The following NCBP1 variants were observed in gnomAD, a reference collection of about 807,000 sequenced individuals.
NCBP1 encodes the protein nuclear cap binding protein subunit 1.
Under a neutral mutation model 111.7 loss-of-function variants are expected in NCBP1, and 16 were observed. The observed-to-expected ratio is 0.14, with a 90% CI of 0.10 to 0.22. NCBP1 has a LOEUF of 0.22. Ranked by LOEUF, NCBP1 falls within the 10% of genes least tolerant of loss-of-function variation. The pLI, the probability that NCBP1 is intolerant of heterozygous loss-of-function variation, is 1.00. For synonymous variants in NCBP1, 304 were observed against 314.3 expected (o/e 0.97, Z 0.35); for missense variants, 607 against 957.5 (o/e 0.63, Z 4.83).
At chr9:97,658,512 TCC>T in intron 14 of NCBP1, 126 bp from the exon 15 acceptor site, 1 of 692,810 alleles carries the variant, frequency 1.4e-6, no homozygotes, top group Non-Finnish European at 2.5e-6. Context: ...GATTTTTTTT[TCC>T]CTTTCACTTC....
At chr9:97,664,051 CA>C (rs1827917836) in intron 18 of NCBP1, among the ~76,000 whole-genome samples, 1 of 151,848 alleles carries the variant, frequency 6.6e-6, no homozygotes, top group African/African-American at 2.4e-5. Context: ...TGGTGGTGCA[CA>C]CCTGTAATCT....
intron 1 of NCBP1, 141 bp downstream of exon 1, chr9:97,634,056 G>A: frequency 1.8e-6 from 2 of 1,099,238 alleles, no homozygotes; most frequent in Non-Finnish European, 2.5e-6. Flanking sequence ...GGAGAATATG[G>A]TGGCGGTGTG....
Position 97,669,584 on chromosome 9 carries a change from C to G in NCBP1, c.2146-9C>G. ...TGTAGTACTACCTTAACTTCTTCTCCCTTTCCAGCGGTTTATCATGATCTT... is the reference window on the plus strand; with the variant it reads ...TGTAGTACTACCTTAACTTCTTCTCGCTTTCCAGCGGTTTATCATGATCTT... On this transcript the variant is annotated splice_polypyrimidine_tract_variant and intron_variant, in intron 21 of 22. Coordinates refer to ENST00000375147, the MANE Select transcript of NCBP1 (RefSeq NM_002486.5). 2.5e-6 allele frequency: 4 copies of G among 1,583,176 alleles called. No individual in the cohort carries two copies. Among genetic ancestry groups the G allele is most frequent in the Non-Finnish European group, 2.6e-6 (3 of 1,151,970 alleles).
At chr9:97,658,066 T>C (rs2131354530) in intron 14 of NCBP1, among the ~76,000 whole-genome samples, 1 of 152,020 alleles carries the variant, frequency 6.6e-6, no homozygotes, top group Non-Finnish European at 1.5e-5. Flanking sequence ...TAGTTTCTAG[T>C]AAAGTAGTAA....
Position 97,668,992 on chromosome 9 carries a change from A to C in NCBP1, c.2145+18A>C. 6.3e-7 allele frequency: 1 copy of C among 1,587,702 alleles called. No individual in the cohort carries two copies. The highest frequency in any genetic ancestry group is 8.6e-7 in the Non-Finnish European group (1 of 1,167,554). Reference sequence around the variant, plus strand: ...TATTTCAGGTATCTTGGCTTGGGACATTTATACATAAAAGGAAACAATACA... The same window carrying C: ...TATTTCAGGTATCTTGGCTTGGGACCTTTATACATAAAAGGAAACAATACA... On this transcript the variant is annotated intron_variant, in intron 21 of 22. Transcript: ENST00000375147.
intron 19 of NCBP1, among the ~76,000 whole-genome samples, chr9:97,665,748 T>C (rs180883907): frequency 1.3e-5 from 2 of 151,286 alleles, no homozygotes; most frequent in African/African-American, 4.9e-5. Context: ...GACACCGACT[T>C]CGCCCCACCC....
At chr9:97,661,452 A>G (rs1476272025) in intron 16 of NCBP1, among the ~76,000 whole-genome samples, 2 of 152,212 alleles carry the variant, frequency 1.3e-5, no homozygotes, top group Admixed American at 6.5e-5. Flanking sequence ...ATACCATGTA[A>G]TTCCAACCAG....
chr9:97,640,702 G>T, intron 1 of NCBP1, 92 bp from the exon 2 acceptor site: 1 of 971,408 alleles, frequency 1.0e-6, no homozygotes, highest in Non-Finnish European at 1.6e-6. Flanking sequence ...CATAGGGCCT[G>T]GTAGAAAAGA....
intron 15 of NCBP1, among the ~76,000 whole-genome samples, chr9:97,658,961 T>C (rs1389802351): frequency 6.6e-6 from 1 of 152,264 alleles, no homozygotes; most frequent in Non-Finnish European, 1.5e-5. Context: ...CTTATCATTT[T>C]TTCTCTTTTG....
chr9:97,660,243 C>G (rs1827792971), intron 15 of NCBP1, among the ~76,000 whole-genome samples: 1 of 152,158 alleles, frequency 6.6e-6, no homozygotes, highest in Admixed American at 6.5e-5. Flanking sequence ...GTAACTCATA[C>G]TCTATAACAG....
intron 10 of NCBP1, 105 bp downstream of exon 10, chr9:97,651,478 A>G: frequency 9.9e-7 from 1 of 1,009,454 alleles, no homozygotes; most frequent in Non-Finnish European, 1.4e-6. Flanking sequence ...ATTTATTGCT[A>G]CTTGTCCAGC....
In NCBP1 at chr9:97,635,298, C is replaced by T. The variant is rs145119660; in HGVS notation, c.34+1383C>T. On this transcript the variant is annotated intron_variant, in intron 1 of 22. Coordinates refer to ENST00000375147, the MANE Select transcript of NCBP1 (RefSeq NM_002486.5). ...AACACCAGCAAGAGCGAATCCAGTCCGGGGCTCTCTTCACTACACAGGTAT... is the reference window on the plus strand; with the variant it reads ...AACACCAGCAAGAGCGAATCCAGTCTGGGGCTCTCTTCACTACACAGGTAT... Among the ~76,000 whole-genome samples the T allele has an allele frequency of 1.1e-3, 164 of 152,238 alleles. 1 individual carries two copies. Among genetic ancestry groups the T allele is most frequent in the African/African-American group, 3.7e-3 (155 of 41,526 alleles).
chr9:97,668,717 G>C, intron 20 of NCBP1, 129 bp from the exon 21 acceptor site: 2 of 913,764 alleles, frequency 2.2e-6, no homozygotes, highest in South Asian at 2.1e-5. Context: ...TGGCGGGGTG[G>C]GGGGGTACTT....
chr9:97,672,965 A>G lies in NCBP1; in HGVS notation c.*1766A>G, dbSNP rs1187722291. The G allele has an allele frequency of 6.6e-6, 1 of 152,280 alleles. No individual in the cohort carries two copies. Among genetic ancestry groups the G allele is most frequent in the East Asian group, 1.9e-4 (1 of 5,204 alleles). 9.4% of individuals were successfully genotyped at this position (152,280 alleles called of 1,614,324 possible). A position where few individuals can be genotyped will look rare whatever the true frequency, so the allele number is the denominator to read the frequency against. ...AACACAGTGAAACCCTGTCTCTACTAAAAACACAAAAACTTAGCCAGGCGT... is the reference window on the plus strand; with the variant it reads ...AACACAGTGAAACCCTGTCTCTACTGAAAACACAAAAACTTAGCCAGGCGT... On this transcript the variant is annotated 3_prime_UTR_variant, in exon 23 of 23. Coordinates refer to ENST00000375147, the MANE Select transcript of NCBP1 (RefSeq NM_002486.5).
Position 97,654,963 on chromosome 9 carries a change from T to TGCTGA in NCBP1, c.1235+26_1235+30dup. 6.5e-7 allele frequency: 1 copy of TGCTGA among 1,546,012 alleles called. No individual in the cohort carries two copies. Among genetic ancestry groups the TGCTGA allele is most frequent in the Non-Finnish European group, 8.7e-7 (1 of 1,146,680 alleles). The stretch of plus-strand genomic sequence containing the variant: ...TAGACAGGTACAGTAATCGCTTTAC[T>TGCTGA]GCTGAGCTGAGTTAGCAGCTTTTAC... On this transcript the variant is annotated intron_variant, in intron 12 of 22. Transcript: ENST00000375147.
intron 22 of NCBP1, among the ~76,000 whole-genome samples, chr9:97,670,509 A>G (rs533158930): frequency 5.3e-5 from 8 of 152,138 alleles, no homozygotes; most frequent in African/African-American, 1.7e-4. Context: ...TGTTCATTCT[A>G]GAAGAATGAT....
At chr9:97,654,245 G>C (rs1827579942) in intron 11 of NCBP1, among the ~76,000 whole-genome samples, 1 of 152,138 alleles carries the variant, frequency 6.6e-6, no homozygotes. Context: ...ACTTCTTTCA[G>C]AGTTGGAATT....
chr9:97,661,162 A>G (rs1827823739), intron 16 of NCBP1, 94 bp downstream of exon 16: 1 of 1,486,230 alleles, frequency 6.7e-7, no homozygotes, highest in Non-Finnish European at 9.1e-7. Context: ...TTAAAGCAAT[A>G]TATCTATATC....
intron 3 of NCBP1, among the ~76,000 whole-genome samples, chr9:97,642,411 T>C (rs1203263172): frequency 1.3e-5 from 2 of 152,096 alleles, no homozygotes; most frequent in African/African-American, 4.8e-5. Context: ...TTGTCCCTGA[T>C]GTTCTGCTAG....
Sources: gnomAD v4.1 joint callset for allele counts (sites outside exome capture counted in the v4.1 genomes callset) on GRCh38, gnomAD v4.1.1 for gene constraint, MANE v1.5 for transcripts, NCBI Gene and HGNC (gene_info 2026-07-23, HGNC 2026-07-21) for gene names.